MCTP2: variants seen among roughly 807,000 people sequenced by gnomAD.
MCTP2 encodes the protein multiple C2 and transmembrane domain containing 2.
In MCTP2, 132 loss-of-function variants were observed where a neutral mutation model predicts 111.6. That is an observed-to-expected ratio of 1.18 (90% CI 1.03 to 1.37). The LOEUF is 1.37. Among genes scored for constraint, MCTP2 ranks in the 40% most tolerant of loss-of-function variants. The pLI, the probability that MCTP2 is intolerant of heterozygous loss-of-function variation, is 0.00. For synonymous variants in MCTP2, 395 were observed against 387.7 expected (o/e 1.02, Z -0.22); for missense variants, 1,183 against 1,067.9 (o/e 1.11, Z -1.50).
intron 20 of MCTP2, among the ~76,000 whole-genome samples, chr15:94,459,441 A>G (rs2085051105): frequency 6.6e-6 from 1 of 152,238 alleles, no homozygotes; most frequent in South Asian, 2.1e-4. Flanking sequence ...CCCATTTATT[A>G]TAAGCATAGT....
At chr15:94,247,252 A>G (rs541426684) in intron 1 of MCTP2, among the ~76,000 whole-genome samples, 1 of 152,262 alleles carries the variant, frequency 6.6e-6, no homozygotes, top group South Asian at 2.1e-4. Flanking sequence ...GATGCACATC[A>G]GTCAGCTCCT....
At chr15:94,418,848 CCT>C (rs1229741929) in intron 17 of MCTP2, among the ~76,000 whole-genome samples, 2 of 151,970 alleles carry the variant, frequency 1.3e-5, no homozygotes, top group African/African-American at 2.4e-5. Context: ...TTCTTTTCCC[CCT>C]GTTTAAAAAT....
chr15:94,387,836 A>G (rs777008371), intron 14 of MCTP2, among the ~76,000 whole-genome samples: 2 of 152,200 alleles, frequency 1.3e-5, no homozygotes, highest in Non-Finnish European at 2.9e-5. Context: ...GGCCTCATGG[A>G]AAAAGGGGCA....
intron 1 of MCTP2, among the ~76,000 whole-genome samples, chr15:94,268,397 G>T (rs2152294091): frequency 6.7e-6 from 1 of 148,998 alleles, no homozygotes; most frequent in East Asian, 2.0e-4. Context: ...CACCACGTTG[G>T]CCAGGTTTAG....
chr15:94,250,612 A>AT (rs2072346763), intron 1 of MCTP2, among the ~76,000 whole-genome samples: 1 of 152,166 alleles, frequency 6.6e-6, no homozygotes, highest in African/African-American at 2.4e-5. Flanking sequence ...AGAGTTATCT[A>AT]TTTTTTTCTA....
chr15:94,342,585 C>CAT, intron 7 of MCTP2: 1 of 140,010 alleles, frequency 7.1e-6, no homozygotes, highest in East Asian at 2.0e-4. Flanking sequence ...TTTTTATCCC[C>CAT]ATATATACAC....
intron 4 of MCTP2, among the ~76,000 whole-genome samples, chr15:94,323,639 A>G (rs1020331834): frequency 6.6e-6 from 1 of 152,134 alleles, no homozygotes; most frequent in Non-Finnish European, 1.5e-5. Context: ...TACTGTTATT[A>G]TTTATTGTTG....
intron 2 of MCTP2, 130 bp from the exon 3 acceptor site, chr15:94,314,152 A>T (rs1489255614): frequency 4.8e-6 from 3 of 619,184 alleles, no homozygotes; most frequent in Non-Finnish European, 8.7e-6. Context: ...ACAAACAGGA[A>T]GGCGGCCCTC....
intron 17 of MCTP2, among the ~76,000 whole-genome samples, chr15:94,406,036 A>G (rs1177244474): frequency 3.3e-5 from 5 of 152,200 alleles, no homozygotes; most frequent in African/African-American, 1.2e-4. Context: ...CTATGAATAG[A>G]TTTGTAAATA....
chr15:94,471,168 G>T (rs1206545044), intron 21 of MCTP2, among the ~76,000 whole-genome samples: 1 of 152,146 alleles, frequency 6.6e-6, no homozygotes, highest in Non-Finnish European at 1.5e-5. Context: ...TAAGGAGAGG[G>T]AACTGCAATA....
intron 17 of MCTP2, among the ~76,000 whole-genome samples, chr15:94,433,509 AT>A (rs1199291179): frequency 6.6e-6 from 1 of 152,112 alleles, no homozygotes; most frequent in Non-Finnish European, 1.5e-5. Context: ...GTGTGGATAT[AT>A]TCACTTTTTT....
intron 10 of MCTP2, among the ~76,000 whole-genome samples, chr15:94,364,422 C>A (rs2079084555): frequency 6.6e-6 from 1 of 152,096 alleles, no homozygotes; most frequent in South Asian, 2.1e-4. Context: ...TCAGCAGTGA[C>A]TAGAAAGACA....
chr15:94,292,721 C>G (rs907753253), intron 1 of MCTP2: 4 of 152,160 alleles, frequency 2.6e-5, no homozygotes, highest in African/African-American at 9.7e-5. Context: ...CAATACCAAT[C>G]AAAATGTTGC....
chr15:94,410,149 T>C (rs903897594), intron 17 of MCTP2, among the ~76,000 whole-genome samples: 3 of 152,176 alleles, frequency 2.0e-5, no homozygotes, highest in Non-Finnish European at 4.4e-5. Context: ...CTATCTGATA[T>C]AACTATTGGT....
At position 94,463,248 on chromosome 15, in the gene MCTP2, T is replaced by C. The variant is rs375997925; in HGVS notation, c.2360+5002T>C. Among the ~76,000 whole-genome samples the C allele has an allele frequency of 8.1e-4, 123 of 152,360 alleles. 4 individuals are homozygous for C. The South Asian group carries it at 0.025, about 31-fold the overall frequency. On this transcript the variant is annotated intron_variant, in intron 20 of 22. Coordinates refer to ENST00000357742, the MANE Select transcript of MCTP2 (RefSeq NM_001385001.1). ...TATATGAGCTTGTTATATTCCAGTG[T>C]AATATCTCTTTAGATCGTCTTTAAT...
At chr15:94,381,013 A>T (rs1168248600) in intron 12 of MCTP2, among the ~76,000 whole-genome samples, 1 of 152,214 alleles carries the variant, frequency 6.6e-6, no homozygotes, top group South Asian at 2.1e-4. Flanking sequence ...TGTCAAGGTG[A>T]TGTGGCTTCT....
intron 4 of MCTP2, among the ~76,000 whole-genome samples, chr15:94,325,187 G>A (rs138468317): frequency 6.6e-5 from 10 of 152,288 alleles, no homozygotes; most frequent in African/African-American, 2.2e-4. Context: ...TTCTAGCTCA[G>A]ACACGGTCTA....
chr15:94,240,181 C>T (rs74034453), intron 1 of MCTP2, among the ~76,000 whole-genome samples: 3,233 of 151,954 alleles, frequency 0.021, 99 homozygotes, highest in African/African-American at 0.063. Context: ...CCTGATATTT[C>T]GGAGTCTCTA....
chr15:94,243,419 G>A (rs2071264161), intron 1 of MCTP2, among the ~76,000 whole-genome samples: 1 of 148,650 alleles, frequency 6.7e-6, no homozygotes, highest in Admixed American at 6.7e-5. Flanking sequence ...ACATACGTAT[G>A]CGTATATGCG....
Sources: allele counts gnomAD v4.1 joint callset (sites outside exome capture counted in the v4.1 genomes callset), GRCh38; gene constraint gnomAD v4.1.1; transcripts MANE v1.5; gene names NCBI Gene and HGNC (gene_info 2026-07-23, HGNC 2026-07-21).